The following CENPU variants were observed in gnomAD, a reference collection of about 807,000 sequenced individuals.
CENPU encodes the protein KSHV latent nuclear antigen interacting protein 1.
Under a neutral mutation model 56.7 loss-of-function variants are expected in CENPU, and 46 were observed. The ratio of observed to expected loss-of-function variants is 0.81; its 90% CI spans 0.64 to 1.04. CENPU has a LOEUF of 1.04. Among genes scored for constraint, CENPU ranks in the 50% least tolerant of loss-of-function variants. The probability of loss-of-function intolerance (pLI) is 0.00; values close to 1 mark genes in which losing one functional copy is unlikely to be tolerated. For synonymous variants in CENPU, 166 were observed against 163.0 expected (o/e 1.02, Z -0.14); for missense variants, 510 against 490.1 (o/e 1.04, Z -0.38).
At chr4:184,701,940 A>G in intron 10 of CENPU, 149 bp downstream of exon 10, 1 of 634,842 alleles carries the variant, frequency 1.6e-6, no homozygotes, top group Non-Finnish European at 2.8e-6. Flanking sequence ...TACCAACCGT[A>G]TCAACCACAA....
At chr4:184,702,262 C>G in intron 9 of CENPU, 101 bp downstream of exon 9, 2 of 1,292,892 alleles carry the variant, frequency 1.5e-6, no homozygotes, top group Non-Finnish European at 2.2e-6. Flanking sequence ...GAGTTTATTA[C>G]CATACTGCCA....
chr4:184,727,482 G>C (rs932413407), intron 3 of CENPU, among the ~76,000 whole-genome samples: 1 of 152,162 alleles, frequency 6.6e-6, no homozygotes, highest in Non-Finnish European at 1.5e-5. Flanking sequence ...CCACAATGAG[G>C]TGCTGGGATG....
chr4:184,733,913 A>G (rs918179165), intron 1 of CENPU, 103 bp downstream of exon 1: 51 of 1,503,358 alleles, frequency 3.4e-5, no homozygotes, highest in Non-Finnish European at 4.5e-5. Context: ...GGCGACCTCC[A>G]CAGTGGAGCA....
chr4:184,717,576 A>T (rs1579782016), intron 4 of CENPU, among the ~76,000 whole-genome samples: 1 of 152,366 alleles, frequency 6.6e-6, no homozygotes, highest in Middle Eastern at 3.4e-3. Flanking sequence ...AAAGAGGAAA[A>T]AAATAGCCCT....
intron 1 of CENPU, among the ~76,000 whole-genome samples, chr4:184,732,536 T>C (rs954988200): frequency 1.3e-5 from 2 of 152,190 alleles, no homozygotes; most frequent in Admixed American, 6.5e-5. Context: ...AAGGGTCACA[T>C]AGCCAGGTAA....
Position 184,695,333 on chromosome 4 carries a change from C to T in CENPU, c.1212G>A (p.Leu404=). 6.2e-7 allele frequency: 1 copy of T among 1,613,570 alleles called. No homozygotes were observed. The highest frequency in any genetic ancestry group is 8.5e-7 in the Non-Finnish European group (1 of 1,179,552). ...TCTCTAACTGATGGTTGATATTTCG[C>T]AGATGGCTTTCGGCTCCCAGAAGTG... The part of the protein sequence containing the change: ...ARTLLGAESH[L]RNINHQLEKL... Residue 404 remains leucine (L), a synonymous_variant, in exon 13 of 13, where the codon CTG becomes CTA. Coordinates refer to ENST00000281453, the MANE Select transcript of CENPU (RefSeq NM_024629.4).
intron 8 of CENPU, among the ~76,000 whole-genome samples, chr4:184,707,662 C>T (rs1347002990): frequency 4.6e-5 from 7 of 152,146 alleles, no homozygotes; most frequent in African/African-American, 9.7e-5. Flanking sequence ...CCTGCACTGA[C>T]GGGCACTAAC....
At chr4:184,699,266 C>A (rs1238330710) in intron 11 of CENPU, among the ~76,000 whole-genome samples, 1 of 152,006 alleles carries the variant, frequency 6.6e-6, no homozygotes, top group Non-Finnish European at 1.5e-5. Context: ...GGAGGCGGAG[C>A]TTGCAGTGAG....
chr4:184,726,308 T>C (rs777936768), intron 3 of CENPU, among the ~76,000 whole-genome samples: 26 of 151,126 alleles, frequency 1.7e-4, no homozygotes, highest in Admixed American at 3.3e-4. Flanking sequence ...GGGCAAAGGG[T>C]GAACAGAAAC....
chr4:184,706,099 TTTATG>T (rs1372843577), intron 8 of CENPU, among the ~76,000 whole-genome samples: 1 of 152,140 alleles, frequency 6.6e-6, no homozygotes, highest in Non-Finnish European at 1.5e-5. Context: ...AATGGCAAAT[TTTATG>T]TTATGTGTAT....
rs1406868769 is a variant in CENPU, at chr4:184,728,973, T to C, written c.159A>G (p.Ser53=). 1 of 1,614,154 alleles carries C rather than the reference T, an allele frequency of 6.2e-7. No homozygotes were observed. Among genetic ancestry groups the C allele is most frequent in the Admixed American group, 1.7e-5 (1 of 60,026 alleles). ...VFDFPDNSDV[S]SIGRLGENEK... ...CATTTTCACCCAGCCTGCCAATGCTTGAGACATCAGAATTATCAGGAAAGT... is the reference window on the plus strand; with the variant it reads ...CATTTTCACCCAGCCTGCCAATGCTCGAGACATCAGAATTATCAGGAAAGT... The change falls in exon 3 of 13, where the codon TCA becomes TCG. Residue 53 remains serine (S), a synonymous_variant. Transcript: ENST00000281453.
At position 184,734,022 on chromosome 4, in the gene CENPU, G is replaced by T; in HGVS notation, c.41C>A (p.Ser14Tyr). ...GAGGGTCGGCAGTACTTACCCCTCA[G>T]ACCTGTGAGGCCGCGGCCGCCGCCG... ...RGRRRPRPHRSEGARRSKNTL... is the reference protein window; with the variant it reads ...RGRRRPRPHRYEGARRSKNTL... Residue 14 changes from serine (S) to tyrosine (Y), a missense_variant, in exon 1 of 13, where the codon TCT becomes TAT. Physicochemically the swap from Ser to Tyr is moderately radical, Grantham distance 144. Coordinates refer to ENST00000281453, the MANE Select transcript of CENPU (RefSeq NM_024629.4). 6.2e-7 allele frequency: 1 copy of T among 1,601,662 alleles called. No homozygotes were observed. Among genetic ancestry groups the T allele is most frequent in the Non-Finnish European group, 8.5e-7 (1 of 1,175,944 alleles).
intron 3 of CENPU, among the ~76,000 whole-genome samples, chr4:184,727,061 A>T (rs1470587657): frequency 6.7e-6 from 1 of 148,898 alleles, no homozygotes; most frequent in African/African-American, 2.5e-5. Context: ...GGTTGCAGTG[A>T]GCCGAGATCG....
intron 4 of CENPU, among the ~76,000 whole-genome samples, chr4:184,722,503 G>A (rs1271077226): frequency 6.6e-6 from 1 of 151,682 alleles, no homozygotes; most frequent in Non-Finnish European, 1.5e-5. Flanking sequence ...AAAAGATCAA[G>A]GATTTTAATA....
chr4:184,725,593 T>C (rs916314759), intron 3 of CENPU, among the ~76,000 whole-genome samples: 2 of 152,220 alleles, frequency 1.3e-5, no homozygotes, highest in African/African-American at 4.8e-5. Context: ...TCAGGCGTCA[T>C]ACACTCTGCA....
intron 7 of CENPU, among the ~76,000 whole-genome samples, chr4:184,710,889 T>C (rs761659707): frequency 2.0e-5 from 3 of 152,194 alleles, no homozygotes; most frequent in African/African-American, 4.8e-5. Context: ...AGGGTCTCAC[T>C]CTGTTGCCCA....
At chr4:184,733,047 G>T (rs373547021) in intron 1 of CENPU, among the ~76,000 whole-genome samples, 1 of 151,062 alleles carries the variant, frequency 6.6e-6, no homozygotes. Flanking sequence ...GAGGAGGCAT[G>T]AACAGATTTC....
chr4:184,694,991 T>C lies in CENPU; in HGVS notation c.*297A>G. The C allele has an allele frequency of 1.8e-6, 1 of 551,926 alleles. No individual in the cohort carries two copies. The highest frequency in any genetic ancestry group is 3.2e-6 in the Non-Finnish European group (1 of 313,388). 34.2% of individuals were successfully genotyped at this position (551,926 alleles called of 1,614,324 possible). A position where few individuals can be genotyped will look rare whatever the true frequency, so the allele number is the denominator to read the frequency against. ...GCCTTATTAATTAATCAAAATTATG[T>C]TCACATCAACTTAATTTTACAAGTT... On this transcript the variant is annotated 3_prime_UTR_variant, in exon 13 of 13. Coordinates refer to ENST00000281453, the MANE Select transcript of CENPU (RefSeq NM_024629.4).
At chr4:184,712,438 T>A (rs1760957097) in intron 7 of CENPU, among the ~76,000 whole-genome samples, 1 of 152,166 alleles carries the variant, frequency 6.6e-6, no homozygotes, top group Admixed American at 6.5e-5. Flanking sequence ...GGGACTGACA[T>A]GAAAGAGGCA....
Sources: gnomAD v4.1 joint callset for allele counts (sites outside exome capture counted in the v4.1 genomes callset) on GRCh38, gnomAD v4.1.1 for gene constraint, MANE v1.5 for transcripts, NCBI Gene and HGNC (gene_info 2026-07-23, HGNC 2026-07-21) for gene names.